The following LAMP2 variants were observed in gnomAD, a reference collection of about 807,000 sequenced individuals.
LAMP2 encodes lysosome associated membrane protein 2.
Under a neutral mutation model 25.6 loss-of-function variants are expected in LAMP2, and 4 were observed. That is an observed-to-expected ratio of 0.16 (90% CI 0.08 to 0.36). The LOEUF is 0.36. Among genes scored for constraint, LAMP2 ranks in the 10% least tolerant of loss-of-function variants. LAMP2 has a pLI of 1.00. For synonymous variants in LAMP2, 108 were observed against 112.7 expected, an observed-to-expected ratio of 0.96 and a Z score of 0.27; for missense variants, 272 against 301.4, an observed-to-expected ratio of 0.90 and a Z score of 0.72.
chrX:120,439,618 T>A (rs2058562672), intron 8 of LAMP2, among the ~76,000 whole-genome samples: 1 of 109,562 alleles, frequency 9.1e-6, no homozygotes, highest in Non-Finnish European at 1.9e-5. Context: ...TATGTGTGCA[T>A]ATATATAATA....
At chrX:120,441,946 A>G in intron 7 of LAMP2, 52 bp from the exon 8 acceptor site, 1 of 1,120,932 alleles carries the variant, frequency 8.9e-7, no homozygotes, top group Non-Finnish European at 1.2e-6. Context: ...AACATCAAAA[A>G]TGGGAAAGTT....
chrX:120,455,329 C>T lies in LAMP2; in HGVS notation c.397+28G>A, dbSNP rs779624679. ...TTATCATTAATAAAAAGCAAGAGAA[C>T]ATAACACAAATCCATTCTTAAGGTT... On this transcript the variant is annotated intron_variant, in intron 3 of 8. Coordinates refer to ENST00000200639, the MANE Select transcript of LAMP2 (RefSeq NM_002294.3). 5 of 1,079,747 alleles carry T rather than the reference C, an allele frequency of 4.6e-6. No individual in the cohort carries two copies. In the East Asian group the frequency reaches 9.0e-5, roughly 20 times the overall value. The allele number at this position is 1,079,747 out of a possible 1,213,427, so 89.0% of individuals were successfully genotyped here.
chrX:120,464,194 T>C (rs1259555131), intron 1 of LAMP2, among the ~76,000 whole-genome samples: 2 of 111,487 alleles, frequency 1.8e-5, no homozygotes, highest in African/African-American at 6.5e-5. Flanking sequence ...CTAGCATTAT[T>C]ATATGGGATT....
At position 120,469,261 on chromosome X, in the gene LAMP2, A is replaced by G; in HGVS notation, c.-92T>C. ...AAAGGCTCGCTGGACCTGGGTCAAG[A>G]GCACTGATGACCACCGACCACAGCC... On this transcript the variant is annotated 5_prime_UTR_variant, in exon 1 of 9. Transcript: ENST00000200639. The G allele has an allele frequency of 1.1e-6, 1 of 919,118 alleles. No individual in the cohort carries two copies. Among genetic ancestry groups the G allele is most frequent in the Non-Finnish European group, 1.6e-6 (1 of 637,749 alleles). 75.7% of individuals were successfully genotyped at this position (919,118 alleles called of 1,213,427 possible).
chrX:120,443,264 T>TAAA (rs2058581836), intron 6 of LAMP2, among the ~76,000 whole-genome samples: 2 of 111,946 alleles, frequency 1.8e-5, no homozygotes, highest in East Asian at 5.6e-4. Flanking sequence ...GGAGAAAAAG[T>TAAA]AATGCCAGCT....
At chrX:120,458,860 C>A (rs1921208998) in intron 1 of LAMP2, among the ~76,000 whole-genome samples, 1 of 111,350 alleles carries the variant, frequency 9.0e-6, no homozygotes, top group Non-Finnish European at 1.9e-5. Flanking sequence ...TACTCCCAAT[C>A]TATCACCCCA....
At position 120,426,407 on chromosome X, in the gene LAMP2, G is replaced by A. The variant is rs2058499162; in HGVS notation, c.*4916C>T. Reference sequence around the variant, plus strand: ...TATTGACATAAAATTGAACTCAGTAGGCAAAGCTAATTGAACACTCAGCTC... The same window carrying A: ...TATTGACATAAAATTGAACTCAGTAAGCAAAGCTAATTGAACACTCAGCTC... On this transcript the variant is annotated 3_prime_UTR_variant, in exon 9 of 9. Coordinates refer to ENST00000200639, the MANE Select transcript of LAMP2 (RefSeq NM_002294.3). 1.8e-5 allele frequency among the ~76,000 whole-genome samples: 2 copies of A among 109,135 alleles called. No individual in the cohort carries two copies. Among genetic ancestry groups the A allele is most frequent in the South Asian group, 4.0e-4 (1 of 2,514 alleles). 94.8% of individuals were successfully genotyped at this position (109,135 alleles called of 115,157 possible).
In LAMP2 at chrX:120,462,880, C is replaced by G. The variant is rs147175799; in HGVS notation, c.65-6111G>C. Among the ~76,000 whole-genome samples the G allele has an allele frequency of 4.1e-3, 460 of 112,036 alleles. 1 individual carries two copies. The highest frequency in any genetic ancestry group is 9.9e-3 in the African/African-American group (305 of 30,850). On this transcript the variant is annotated intron_variant, in intron 1 of 8. Coordinates refer to ENST00000200639, the MANE Select transcript of LAMP2 (RefSeq NM_002294.3). ...ATAGTGCATATTTCTCCAATAGGTT[C>G]TTTGAAAGCATATAAACCCTTCAGA... is the stretch of plus-strand genomic sequence containing the variant.
At chrX:120,456,361 C>T (rs1237824336) in intron 2 of LAMP2, among the ~76,000 whole-genome samples, 1 of 111,185 alleles carries the variant, frequency 9.0e-6, no homozygotes, top group Admixed American at 9.6e-5. Flanking sequence ...GGTGCTAGTA[C>T]ATTTTAAACA....
At chrX:120,445,615 C>T (rs2058592401) in intron 6 of LAMP2, among the ~76,000 whole-genome samples, 1 of 112,237 alleles carries the variant, frequency 8.9e-6, no homozygotes, top group Non-Finnish European at 1.9e-5. Context: ...AACATGTTCA[C>T]ACATACATCC....
intron 1 of LAMP2, among the ~76,000 whole-genome samples, chrX:120,468,606 C>T (rs1247156548): frequency 9.0e-6 from 1 of 110,725 alleles, no homozygotes; most frequent in Non-Finnish European, 1.9e-5. Flanking sequence ...CCTATCTGTC[C>T]CATCTGTCCC....
intron 4 of LAMP2, among the ~76,000 whole-genome samples, 198 bp downstream of exon 4, chrX:120,448,772 C>T (rs187659550): frequency 8.9e-6 from 1 of 112,306 alleles, no homozygotes; most frequent in Admixed American, 9.5e-5. Flanking sequence ...CATTCCACAA[C>T]ATGTACATCA....
At chrX:120,453,759 G>A (rs1196790795) in intron 3 of LAMP2, among the ~76,000 whole-genome samples, 1 of 112,289 alleles carries the variant, frequency 8.9e-6, no homozygotes, top group Non-Finnish European at 1.9e-5. Context: ...AGTAAGCCGA[G>A]ATCAGGCCAC....
intron 1 of LAMP2, among the ~76,000 whole-genome samples, chrX:120,468,416 G>C (rs1302178684): frequency 9.0e-6 from 1 of 110,824 alleles, no homozygotes; most frequent in Non-Finnish European, 1.9e-5. Flanking sequence ...TTGGGTCCAA[G>C]TTTTCTTTCC....
intron 1 of LAMP2, among the ~76,000 whole-genome samples, chrX:120,465,702 CTA>C: frequency 8.9e-6 from 1 of 112,188 alleles, no homozygotes; most frequent in East Asian, 2.8e-4. Context: ...GCTAATAAGA[CTA>C]TAAATTTAGG....
In LAMP2 at chrX:120,428,947, C is replaced by T. The variant is rs2058510093; in HGVS notation, c.*2376G>A. 1.4e-6 allele frequency: 1 copy of T among 738,918 alleles called. No homozygotes were observed. Among genetic ancestry groups the T allele is most frequent in the Non-Finnish European group, 1.6e-6 (1 of 628,105 alleles). 60.9% of individuals were successfully genotyped at this position (738,918 alleles called of 1,213,427 possible). On this transcript the variant is annotated 3_prime_UTR_variant, in exon 9 of 9. Transcript: ENST00000200639. ...GAGCCATCATCTACACTTAAAACCA[C>T]TGCCTGTGTATTTCCCTACTCTCTT...
Position 120,455,517 on chromosome X carries a change from A to C in LAMP2, c.237T>G (p.Cys79Trp), listed in dbSNP as rs2147286906. The C allele has an allele frequency of 8.3e-7, 1 of 1,210,768 alleles. No individual in the cohort carries two copies. The highest frequency in any genetic ancestry group is 1.1e-6 in the Non-Finnish European group (1 of 894,885). Residue 79 changes from cysteine to tryptophan, a missense_variant, in exon 3 of 9, where the codon TGT (cysteine) becomes TGG (tryptophan). Coordinates refer to ENST00000200639, the MANE Select transcript of LAMP2 (RefSeq NM_002294.3). ...TTTTGGGACCATTCTGATCATCCCCACAAATGCTTCCATTATATGTCACAG... is the reference window on the plus strand; with the variant it reads ...TTTTGGGACCATTCTGATCATCCCCCCAAATGCTTCCATTATATGTCACAG... ...HGTVTYNGSI[C>W]GDDQNGPKIA...
At position 120,427,111 on chromosome X, in the gene LAMP2, C is replaced by T. The variant is rs921447258; in HGVS notation, c.*4212G>A. On this transcript the variant is annotated 3_prime_UTR_variant, in exon 9 of 9. Transcript: ENST00000200639. The stretch of plus-strand genomic sequence containing the variant: ...GCTGAGAGGTAGATTGGGACTTAAT[C>T]CTTGGAATGAATAACCAACTCACTT... Among the ~76,000 whole-genome samples, 1 of 111,682 alleles carries T rather than the reference C, an allele frequency of 9.0e-6. No individual in the cohort carries two copies. The highest frequency in any genetic ancestry group is 3.3e-5 in the African/African-American group (1 of 30,761).
At chrX:120,431,530 T>C in intron 8 of LAMP2, 68 bp from the exon 9 acceptor site, 1 of 1,037,011 alleles carries the variant, frequency 9.6e-7, no homozygotes, top group Non-Finnish European at 1.4e-6. Flanking sequence ...GTATTTTGAG[T>C]AAAATGACAG....
Sources: allele counts gnomAD v4.1 joint callset (sites outside exome capture counted in the v4.1 genomes callset), GRCh38; gene constraint gnomAD v4.1.1; transcripts MANE v1.5; gene names NCBI Gene and HGNC (gene_info 2026-07-23, HGNC 2026-07-21).